The following PALM variants were observed in gnomAD, a reference collection of about 807,000 sequenced individuals.
The protein encoded by PALM is paralemmin, also known as paralemmin-1.
A neutral mutation model predicts 30.7 loss-of-function variants in PALM; 18 were observed. That is an observed-to-expected ratio of 0.59 (90% CI 0.41 to 0.87). The LOEUF (loss-of-function observed/expected upper bound fraction) is 0.87. PALM is among the 40% of genes least tolerant of loss of function. The pLI, the probability that PALM is intolerant of heterozygous loss-of-function variation, is 0.00. For synonymous variants in PALM, 286 were observed against 242.8 expected, an observed-to-expected ratio of 1.18 and a Z score of -1.66; for missense variants, 529 against 555.4, an observed-to-expected ratio of 0.95 and a Z score of 0.48.
At chr19:711,691 T>C (rs2032085126) in intron 1 of PALM, among the ~76,000 whole-genome samples, 1 of 152,202 alleles carries the variant, frequency 6.6e-6, no homozygotes, top group African/African-American at 2.4e-5. Context: ...CCAGTGTTGA[T>C]CACAATATAA....
At position 746,862 on chromosome 19, in the gene PALM, C is replaced by A; in HGVS notation, c.*48C>A. On this transcript the variant is annotated 3_prime_UTR_variant, in exon 9 of 9. Coordinates refer to ENST00000338448, the MANE Select transcript of PALM (RefSeq NM_002579.3). The surrounding 1 kb of genome is among the most constrained non-coding windows in gnomAD (Gnocchi z 7.1). ...CCCACCCCACACCACAGACACCCAC[C>A]AGCCCGGCCCCTCCCGGCGCCTGCC... The A allele has an allele frequency of 8.3e-7, 1 of 1,206,482 alleles. No individual in the cohort carries two copies. Among genetic ancestry groups the A allele is most frequent in the Non-Finnish European group, 1.1e-6 (1 of 879,666 alleles). The allele number at this position is 1,206,482 out of a possible 1,614,324, so 74.7% of individuals were successfully genotyped here. A position where few individuals can be genotyped will look rare whatever the true frequency, so the allele number is the denominator to read the frequency against.
At position 734,226 on chromosome 19, in the gene PALM, C is replaced by T. The variant is rs751173865; in HGVS notation, c.442+32C>T. 63 of 1,608,874 alleles carry T rather than the reference C, an allele frequency of 3.9e-5. No individual in the cohort carries two copies. The Admixed American group carries it at 5.4e-4, about 14-fold the overall frequency. On this transcript the variant is annotated intron_variant, in intron 6 of 8. Transcript: ENST00000338448. ...CCTCTGGAAGGAACTCGTGGGGCCT[C>T]GGCGCACTCTGGTGGCCAGAGAGGG...
intron 1 of PALM, chr19:719,485 G>C: frequency 1.0e-6 from 1 of 985,350 alleles, no homozygotes. Flanking sequence ...TCGGGCGGGG[G>C]GCGTGGCGCT....
chr19:709,123 A>C lies in PALM; in HGVS notation c.-24A>C, dbSNP rs2031983810. On this transcript the variant is annotated 5_prime_UTR_variant, in exon 1 of 9. Coordinates refer to ENST00000338448, the MANE Select transcript of PALM (RefSeq NM_002579.3). This position sits in a 1 kb window ranked among gnomAD's most constrained non-coding sequence, Gnocchi z 4.3. ...CGCCCGCCCCCGCCCGGCACCGCGG[A>C]CCCACCCGGACCTCGGCGGGGAGAT... 1.4e-5 allele frequency: 4 copies of C among 284,368 alleles called. No homozygotes were observed. Among genetic ancestry groups the C allele is most frequent in the East Asian group, 5.5e-5 (1 of 18,176 alleles). 17.6% of individuals were successfully genotyped at this position (284,368 alleles called of 1,614,324 possible).
intron 1 of PALM, among the ~76,000 whole-genome samples, chr19:721,712 C>G (rs2032488855): frequency 6.6e-6 from 1 of 151,896 alleles, no homozygotes; most frequent in African/African-American, 2.4e-5. Flanking sequence ...ATTCTCCTGC[C>G]TCAGCCTCCT....
intron 1 of PALM, among the ~76,000 whole-genome samples, chr19:715,024 A>G (rs1234258205): frequency 2.6e-5 from 4 of 152,130 alleles, no homozygotes; most frequent in Non-Finnish European, 4.4e-5. Flanking sequence ...AGTTCTTTGG[A>G]AGGCCGAGGC....
intron 1 of PALM, among the ~76,000 whole-genome samples, chr19:721,391 G>A (rs1405553634): frequency 2.6e-5 from 4 of 151,942 alleles, no homozygotes; most frequent in Non-Finnish European, 5.9e-5. Context: ...TCAGCCTCCC[G>A]AGTAGCTGGG....
intron 4 of PALM, among the ~76,000 whole-genome samples, chr19:728,495 C>T (rs1262589187): frequency 6.6e-6 from 1 of 152,184 alleles, no homozygotes; most frequent in Admixed American, 6.5e-5. Context: ...ATGGACTTCC[C>T]TCCTGGGCAG....
chr19:738,661 CAGGTCA>C (rs2033095936), intron 7 of PALM, among the ~76,000 whole-genome samples: 1 of 152,066 alleles, frequency 6.6e-6, no homozygotes, highest in Non-Finnish European at 1.5e-5. Flanking sequence ...GGGCTGAGTC[CAGGTCA>C]AGGTCCAGGT....
At chr19:745,679 C>G (rs2033316960) in intron 8 of PALM, among the ~76,000 whole-genome samples, 1 of 104,870 alleles carries the variant, frequency 9.5e-6, no homozygotes, top group African/African-American at 4.0e-5. Flanking sequence ...TGGGCAGCTC[C>G]ATCTCAGAAA....
In PALM at chr19:737,055, GA is replaced by G. The variant is rs1314145327; in HGVS notation, c.502+981del. On this transcript the variant is annotated intron_variant, in intron 7 of 8. Coordinates refer to ENST00000338448, the MANE Select transcript of PALM (RefSeq NM_002579.3). ...GCGACAAGAGCAAGACTCCGTCTCA[GA>G]AAAGGCAGCAAGGCAGGGAGGTGAA... Among the ~76,000 whole-genome samples the G allele has an allele frequency of 6.6e-5, 10 of 152,308 alleles. No homozygotes were observed. In the East Asian group the frequency reaches 1.7e-3, roughly 26 times the overall value.
intron 5 of PALM, among the ~76,000 whole-genome samples, chr19:731,644 C>CACCTGG (rs1599155820): frequency 1.3e-5 from 2 of 151,962 alleles, no homozygotes; most frequent in South Asian, 4.2e-4. Context: ...GCAGGAGACC[C>CACCTGG]GGTGCTGGTG....
At chr19:726,935 A>T in intron 2 of PALM, 73 bp from the exon 3 acceptor site, 1 of 924,052 alleles carries the variant, frequency 1.1e-6, no homozygotes, top group Non-Finnish European at 1.7e-6. Flanking sequence ...GGCTGGGCAG[A>T]GCCTTGTGTG....
chr19:745,341 C>T (rs2033307816), intron 8 of PALM, among the ~76,000 whole-genome samples: 1 of 152,214 alleles, frequency 6.6e-6, no homozygotes, highest in East Asian at 1.9e-4. Flanking sequence ...GCTATCTTTA[C>T]AGCGGAAATG....
chr19:719,222 C>G (rs895795600), intron 1 of PALM: 5 of 985,592 alleles, frequency 5.1e-6, no homozygotes, highest in Non-Finnish European at 6.0e-6. Context: ...CCGCCTCGGA[C>G]AGGGCCCGCC....
chr19:731,161 G>A lies in PALM; in HGVS notation c.336G>A (p.Ala112=), dbSNP rs550477288. ...DSAPATAKEN[A]AAPSPVRAPA... The stretch of plus-strand genomic sequence containing the variant: ...CCCCAGCCACTGCCAAGGAGAACGC[G>A]GCGGCCCCGAGCCCAGTCCGGGCCC... Residue 112 remains alanine (A), a synonymous_variant, in exon 5 of 9, where the codon GCG becomes GCA. Coordinates refer to ENST00000338448, the MANE Select transcript of PALM (RefSeq NM_002579.3). 90 of 1,609,090 alleles carry A rather than the reference G, an allele frequency of 5.6e-5. No individual in the cohort carries two copies. Among genetic ancestry groups the A allele is most frequent in the African/African-American group, 1.7e-4 (13 of 74,984 alleles).
At chr19:711,800 G>A (rs1265402637) in intron 1 of PALM, among the ~76,000 whole-genome samples, 1 of 152,124 alleles carries the variant, frequency 6.6e-6, no homozygotes, top group Admixed American at 6.6e-5. Context: ...ACATGGGAAG[G>A]TGGTTTCTTT....
intron 6 of PALM, 65 bp from the exon 7 acceptor site, chr19:735,954 C>A: frequency 7.2e-7 from 1 of 1,396,448 alleles, no homozygotes; most frequent in Non-Finnish European, 1.0e-6. Flanking sequence ...GTTGGGCTGT[C>A]TGGGGGGTCC....
Position 748,250 on chromosome 19 carries a change from C to A in PALM, c.*1436C>A, listed in dbSNP as rs1478202575. The A allele has an allele frequency of 2.6e-5, 4 of 152,780 alleles. No individual in the cohort carries two copies. Among genetic ancestry groups the A allele is most frequent in the African/African-American group, 9.6e-5 (4 of 41,482 alleles). The allele number at this position is 152,780 out of a possible 1,614,324, so 9.5% of individuals were successfully genotyped here. Reference sequence around the variant, plus strand: ...CGCTGAAGTGCCCTTGCTATAACCCCCTCTGCTTCTGGTGTGTGACGAGGC... The same window carrying A: ...CGCTGAAGTGCCCTTGCTATAACCCACTCTGCTTCTGGTGTGTGACGAGGC... On this transcript the variant is annotated 3_prime_UTR_variant, in exon 9 of 9. Transcript: ENST00000338448.
Sources: gnomAD v4.1 joint callset for allele counts (sites outside exome capture counted in the v4.1 genomes callset) on GRCh38, gnomAD v4.1.1 for gene constraint, Gnocchi (gnomAD v3.1) non-coding constraint, MANE v1.5 for transcripts, NCBI Gene and HGNC (gene_info 2026-07-23, HGNC 2026-07-21) for gene names.